Variants in SLC35F1 observed in about 807,000 individuals in gnomAD.
SLC35F1 encodes solute carrier family 35 member F1.
Under a neutral mutation model 48.7 loss-of-function variants are expected in SLC35F1, and 14 were observed. The observed-to-expected ratio is 0.29, with a 90% CI of 0.19 to 0.45. SLC35F1 has a LOEUF of 0.45. Among genes scored for constraint, SLC35F1 ranks in the 20% least tolerant of loss-of-function variants. The probability of loss-of-function intolerance (pLI) is 1.00; values close to 1 mark genes in which losing one functional copy is unlikely to be tolerated. For synonymous variants in SLC35F1, 190 were observed against 202.2 expected, an observed-to-expected ratio of 0.94 and a Z score of 0.51; for missense variants, 404 against 500.0, an observed-to-expected ratio of 0.81 and a Z score of 1.83.
At chr6:118,038,353 AT>A (rs927013031) in intron 1 of SLC35F1, among the ~76,000 whole-genome samples, 2 of 151,868 alleles carry the variant, frequency 1.3e-5, no homozygotes, top group Non-Finnish European at 2.9e-5. Flanking sequence ...TTTGTTTAGC[AT>A]TTCCTGTAAA....
intron 2 of SLC35F1, among the ~76,000 whole-genome samples, chr6:118,217,183 A>G (rs962652913): frequency 1.3e-5 from 2 of 152,218 alleles, no homozygotes; most frequent in African/African-American, 4.8e-5. Flanking sequence ...TACTTGCCCC[A>G]GTGTTCATAG....
chr6:118,157,373 C>T (rs573180574), intron 2 of SLC35F1, among the ~76,000 whole-genome samples: 21 of 152,192 alleles, frequency 1.4e-4, no homozygotes, highest in African/African-American at 4.6e-4. Flanking sequence ...TACCACTGTG[C>T]GGTCAGGAGG....
chr6:118,281,460 C>T (rs571240486), intron 6 of SLC35F1, among the ~76,000 whole-genome samples: 28 of 152,256 alleles, frequency 1.8e-4, no homozygotes, highest in African/African-American at 6.5e-4. Context: ...ACATCCCAGC[C>T]TCCCTTGTCA....
intron 3 of SLC35F1, among the ~76,000 whole-genome samples, chr6:118,245,246 GACTGACTAAATGTAAA>G (rs1190861023): frequency 6.6e-6 from 1 of 152,174 alleles, no homozygotes; most frequent in Non-Finnish European, 1.5e-5. Flanking sequence ...GGAGGGAAAA[GACTGACTAAATGTAAA>G]ACTTGCCAAT....
intron 6 of SLC35F1, among the ~76,000 whole-genome samples, chr6:118,283,223 C>T (rs1776006592): frequency 6.6e-6 from 1 of 152,162 alleles, no homozygotes; most frequent in Non-Finnish European, 1.5e-5. Context: ...TCCTTGGCTC[C>T]TCTCCTGGCA....
chr6:117,937,663 G>A (rs1178275559), intron 1 of SLC35F1, among the ~76,000 whole-genome samples: 3 of 152,094 alleles, frequency 2.0e-5, no homozygotes, highest in South Asian at 2.1e-4. Context: ...AAAACAAAAC[G>A]TAGAAGAATT....
At chr6:118,201,962 G>C (rs1774878413) in intron 2 of SLC35F1, among the ~76,000 whole-genome samples, 2 of 152,164 alleles carry the variant, frequency 1.3e-5, no homozygotes, top group South Asian at 4.1e-4. Flanking sequence ...TTTTATTGTA[G>C]AGGGTGTTCC....
chr6:118,105,571 C>A (rs1263684773), intron 1 of SLC35F1, among the ~76,000 whole-genome samples: 1 of 152,222 alleles, frequency 6.6e-6, no homozygotes, highest in African/African-American at 2.4e-5. Flanking sequence ...ATTGATCTTT[C>A]TACGCATTGC....
At chr6:118,139,135 C>T (rs1012211869) in intron 1 of SLC35F1, among the ~76,000 whole-genome samples, 1 of 152,026 alleles carries the variant, frequency 6.6e-6, no homozygotes, top group Non-Finnish European at 1.5e-5. Flanking sequence ...TTTTTTGAGA[C>T]GGAGTCTCGC....
chr6:118,017,059 A>T (rs1265629630), intron 1 of SLC35F1, among the ~76,000 whole-genome samples: 1 of 152,206 alleles, frequency 6.6e-6, no homozygotes, highest in Non-Finnish European at 1.5e-5. Flanking sequence ...TCCCCGGAAT[A>T]TTTCTGGAAA....
At chr6:117,913,827 G>A (rs897493493) in intron 1 of SLC35F1, among the ~76,000 whole-genome samples, 1 of 152,066 alleles carries the variant, frequency 6.6e-6, no homozygotes, top group Admixed American at 6.6e-5. Context: ...AAGGTGGGAG[G>A]GTCATCTGAG....
intron 7 of SLC35F1, among the ~76,000 whole-genome samples, chr6:118,308,681 A>G (rs1776339450): frequency 6.6e-6 from 1 of 152,248 alleles, no homozygotes; most frequent in South Asian, 2.1e-4. Context: ...ACTAGAAAGG[A>G]CATGGTTATT....
chr6:118,287,124 G>A (rs529542572), intron 7 of SLC35F1, among the ~76,000 whole-genome samples: 1 of 152,178 alleles, frequency 6.6e-6, no homozygotes, highest in Admixed American at 6.5e-5. Context: ...TCCTCATAAG[G>A]GTAAAAAGCA....
chr6:117,982,422 G>C (rs553888505), intron 1 of SLC35F1, among the ~76,000 whole-genome samples: 1 of 152,300 alleles, frequency 6.6e-6, no homozygotes, highest in Admixed American at 6.5e-5. Context: ...TGATTTTAGA[G>C]AACAGCAGGT....
intron 1 of SLC35F1, among the ~76,000 whole-genome samples, chr6:118,070,676 T>A (rs549344221): frequency 4.0e-5 from 6 of 151,510 alleles, no homozygotes; most frequent in Non-Finnish European, 5.9e-5. Flanking sequence ...AAATAATATG[T>A]CTTTCTTGCT....
chr6:118,005,214 G>A (rs1777158046), intron 1 of SLC35F1, among the ~76,000 whole-genome samples: 1 of 152,072 alleles, frequency 6.6e-6, no homozygotes. Flanking sequence ...ATGCGTGTGT[G>A]CCTGCTCACA....
At chr6:118,171,236 TG>T (rs1218373827) in intron 2 of SLC35F1, among the ~76,000 whole-genome samples, 1 of 152,016 alleles carries the variant, frequency 6.6e-6, no homozygotes, top group African/African-American at 2.4e-5. Context: ...AGTGGGGTTT[TG>T]CCATGTTGGC....
At chr6:117,955,487 C>G (rs145585489) in intron 1 of SLC35F1, among the ~76,000 whole-genome samples, 2,968 of 152,250 alleles carry the variant, frequency 0.019, 44 homozygotes, top group Middle Eastern at 0.054. Flanking sequence ...AAGAAACTTG[C>G]TGGAGTGCAG....
intron 1 of SLC35F1, among the ~76,000 whole-genome samples, chr6:117,963,339 ATTTTATTGTTTT>A (rs1300702644): frequency 7.0e-6 from 1 of 141,856 alleles, no homozygotes; most frequent in Non-Finnish European, 1.6e-5. Context: ...TTACTATTTT[ATTTTATTGTTTT>A]TTTTTTTTGG....
Sources: allele counts gnomAD v4.1 joint callset (sites outside exome capture counted in the v4.1 genomes callset), GRCh38; gene constraint gnomAD v4.1.1; transcripts MANE v1.5; gene names NCBI Gene and HGNC (gene_info 2026-07-23, HGNC 2026-07-21).